The following PCDHGA8 variants were observed in gnomAD, a reference collection of about 807,000 sequenced individuals.
The protein encoded by PCDHGA8 is protocadherin gamma subfamily A, 8, also known as protocadherin gamma-A8.
In PCDHGA8, 45 loss-of-function variants were observed where a neutral mutation model predicts 59.2. The ratio of observed to expected loss-of-function variants is 0.76; its 90% CI spans 0.60 to 0.98. The LOEUF is 0.98. Ranked by LOEUF, PCDHGA8 falls within the 50% of genes least tolerant of loss-of-function variation. PCDHGA8 has a pLI of 0.00. For missense variants in PCDHGA8, 1,257 were observed against 1,196.2 expected (o/e 1.05, Z -0.75); for synonymous variants, 531 against 519.0 (o/e 1.02, Z -0.32).
In PCDHGA8 at chr5:141,428,860, CTT is replaced by C. The variant is rs34152666; in HGVS notation, c.2424+33635_2424+33636del. On this transcript the variant is annotated intron_variant, in intron 1 of 3. Transcript: ENST00000398604. The stretch of plus-strand genomic sequence containing the variant: ...ACATTTTCACCATTTTTACGGGAGA[CTT>C]TTTTTTTTTTTGGACGGAGTCTCGC... The C allele has an allele frequency of 7.4e-3, 1,070 of 145,506 alleles. 4 individuals carry two copies. Among genetic ancestry groups the C allele is most frequent in the South Asian group, 0.018 (82 of 4,566 alleles). 9.0% of individuals were successfully genotyped at this position (145,506 alleles called of 1,614,324 possible).
chr5:141,395,447 G>A, intron 1 of PCDHGA8: 1 of 645,042 alleles, frequency 1.6e-6, no homozygotes, highest in Admixed American at 3.5e-5. Context: ...GGAAAAGATT[G>A]TTCAACCATT....
At position 141,432,579 on chromosome 5, in the gene PCDHGA8, G is replaced by A. The variant is rs769224543; in HGVS notation, c.2424+37342G>A. 6.2e-7 allele frequency: 1 copy of A among 1,613,860 alleles called. No homozygotes were observed. Among genetic ancestry groups the A allele is most frequent in the Non-Finnish European group, 8.5e-7 (1 of 1,179,984 alleles). On this transcript the variant is annotated intron_variant, in intron 1 of 3. Transcript: ENST00000398604. The surrounding 1 kb of genome is among the most constrained non-coding windows in gnomAD (Gnocchi z 6.0). ...GGCCAGAACGCCTGGCTGTCCTACC[G>A]TCTGCTCAAGGCCAGCGAGCCGGGA...
At position 141,414,753 on chromosome 5, in the gene PCDHGA8, T is replaced by C. The variant is rs10041534; in HGVS notation, c.2424+19516T>C. 7.9e-4 allele frequency: 1,273 copies of C among 1,614,202 alleles called. 15 individuals carry two copies. The African/African-American group carries it at 0.015, about 19-fold the overall frequency. ...TGTATGCACTCAGATCCTTCGACTA[T>C]GAGCAGTTTCATGAGCTACAGATGC... On this transcript the variant is annotated intron_variant, in intron 1 of 3. Transcript: ENST00000398604.
intron 1 of PCDHGA8, among the ~76,000 whole-genome samples, chr5:141,462,550 A>G (rs1485478117): frequency 6.6e-6 from 1 of 151,942 alleles, no homozygotes; most frequent in East Asian, 1.9e-4. Flanking sequence ...TTTCTTCTTC[A>G]GTGTTTACTG....
rs186593502 is a variant in PCDHGA8 at position 141,429,415 on chromosome 5, A to G, written c.2424+34178A>G. Among the ~76,000 whole-genome samples, 582 of 151,976 alleles carry G rather than the reference A, an allele frequency of 3.8e-3. 6 individuals carry two copies. The highest frequency in any genetic ancestry group is 0.011 in the Admixed American group (171 of 15,260). ...AAAAAATTGAGATTAAGGTCTCATT[A>G]TGTTGCCCAGGCTGGACTCAAACTC... is the stretch of plus-strand genomic sequence containing the variant. On this transcript the variant is annotated intron_variant, in intron 1 of 3. Transcript: ENST00000398604.
Position 141,394,586 on chromosome 5 carries a change from G to A in PCDHGA8, c.1773G>A (p.Val591=). The A allele has an allele frequency of 6.2e-7, 1 of 1,613,888 alleles. No individual in the cohort carries two copies. ...AGCGTGGCTACCTGGTGACCAAGGT[G>A]GTGGCGGTGGACAGAGACTCGGGCC... ...SAERGYLVTK[V]VAVDRDSGQN... is the part of the protein sequence containing the mutation. Residue 591 remains valine (V), a synonymous_variant, in exon 1 of 4, where the codon GTG becomes GTA. Coordinates refer to ENST00000398604, the MANE Select transcript of PCDHGA8 (RefSeq NM_032088.2).
At chr5:141,408,556 T>G (rs1215804867) in intron 1 of PCDHGA8, 1 of 1,613,940 alleles carries the variant, frequency 6.2e-7, no homozygotes, top group Non-Finnish European at 8.5e-7. Context: ...ATATTTTTCA[T>G]GTCATTGTGG....
rs150106838 is a variant in PCDHGA8, at chr5:141,503,886, T to C, written c.2484-1507T>C. On this transcript the variant is annotated intron_variant, in intron 2 of 3. Coordinates refer to ENST00000398604, the MANE Select transcript of PCDHGA8 (RefSeq NM_032088.2). Reference sequence around the variant, plus strand: ...AGTTCTTGGTTGTGCTCACCCACCATGACAAAATATGCACACACACAACGC... The same window carrying C: ...AGTTCTTGGTTGTGCTCACCCACCACGACAAAATATGCACACACACAACGC... Among the ~76,000 whole-genome samples, 20 of 152,290 alleles carry C rather than the reference T, an allele frequency of 1.3e-4. No individual in the cohort carries two copies. The South Asian group carries it at 3.9e-3, about 30-fold the overall frequency.
chr5:141,415,740 G>GTTTTTTTTTTTTTTTTTTTTTTTTTT, intron 1 of PCDHGA8: 11 of 617,992 alleles, frequency 1.8e-5, no homozygotes, highest in Middle Eastern at 5.6e-4. Context: ...GTTTATTAAG[G>GTTTTTTTTTTTTTTTTTTTTTTTTTT]TTTTTTTTTT....
rs1160304959 is a variant in PCDHGA8, at chr5:141,490,969, C to A, written c.2425-3838C>A. On this transcript the variant is annotated intron_variant, in intron 1 of 3. Coordinates refer to ENST00000398604, the MANE Select transcript of PCDHGA8 (RefSeq NM_032088.2). This position sits in a 1 kb window ranked among gnomAD's most constrained non-coding sequence, Gnocchi z 5.4. ...GCCAGACTGGGAACACTCAGCCCCC[C>A]AGCGTCTCCCTCGCTCTGCTCCTCC... The A allele has an allele frequency of 2.5e-6, 4 of 1,613,820 alleles. No individual in the cohort carries two copies. In the African/African-American group the frequency reaches 4.0e-5, roughly 16 times the overall value.
chr5:141,438,074 T>C (rs963146682), intron 1 of PCDHGA8, among the ~76,000 whole-genome samples: 10 of 152,116 alleles, frequency 6.6e-5, no homozygotes, highest in African/African-American at 2.4e-4. Flanking sequence ...CCATACTTAA[T>C]GGAAAATTAC....
At chr5:141,422,032 G>A in intron 1 of PCDHGA8, 1 of 1,611,280 alleles carries the variant, frequency 6.2e-7, no homozygotes, top group Non-Finnish European at 8.5e-7. Context: ...TAATGCAACG[G>A]ATCCAGACGA....
rs2094308599 is a variant in PCDHGA8 at position 141,402,798 on chromosome 5, C to T, written c.2424+7561C>T. ...TTTCCAGTTCTGCGGCTACACAAAA[C>T]CCGGCAGATACCACAAACCTGCTCC... On this transcript the variant is annotated intron_variant, in intron 1 of 3. Transcript: ENST00000398604. 7.6e-6 allele frequency: 8 copies of T among 1,054,376 alleles called. No individual in the cohort carries two copies. The South Asian group carries it at 1.6e-4, about 20-fold the overall frequency. The allele number at this position is 1,054,376 out of a possible 1,614,324, so 65.3% of individuals were successfully genotyped here. A position where few individuals can be genotyped will look rare whatever the true frequency, so the allele number is the denominator to read the frequency against.
Position 141,489,902 on chromosome 5 carries a change from C to A in PCDHGA8, c.2425-4905C>A. ...ACTGCTGTGGATGGGGGGACCCCAGCCCGCTCAGGGACCACCCTTATCTCT... is the reference window on the plus strand; with the variant it reads ...ACTGCTGTGGATGGGGGGACCCCAGACCGCTCAGGGACCACCCTTATCTCT... On this transcript the variant is annotated intron_variant, in intron 1 of 3. Transcript: ENST00000398604. The surrounding 1 kb of genome is among the most constrained non-coding windows in gnomAD (Gnocchi z 4.5). 1 of 1,614,218 alleles carries A rather than the reference C, an allele frequency of 6.2e-7. No individual in the cohort carries two copies. The highest frequency in any genetic ancestry group is 8.5e-7 in the Non-Finnish European group (1 of 1,180,032).
intron 1 of PCDHGA8, chr5:141,417,545 T>C: frequency 3.2e-6 from 1 of 312,052 alleles, no homozygotes; most frequent in East Asian, 5.5e-5. Context: ...AAAAAATTCC[T>C]TGAAAGAGGT....
At position 141,424,020 on chromosome 5, in the gene PCDHGA8, C is replaced by A. The variant is rs1326303938; in HGVS notation, c.2424+28783C>A. ...TATATAGATACAAATTAATGATTCA[C>A]AAACACTTTTTATTTCCATTTCAAT... On this transcript the variant is annotated intron_variant, in intron 1 of 3. Coordinates refer to ENST00000398604, the MANE Select transcript of PCDHGA8 (RefSeq NM_032088.2). 3 of 1,050,122 alleles carry A rather than the reference C, an allele frequency of 2.9e-6. No individual in the cohort carries two copies. In the East Asian group the frequency reaches 2.2e-4, roughly 77 times the overall value. The allele number at this position is 1,050,122 out of a possible 1,614,324, so 65.1% of individuals were successfully genotyped here. A position where few individuals can be genotyped will look rare whatever the true frequency, so the allele number is the denominator to read the frequency against.
intron 1 of PCDHGA8, among the ~76,000 whole-genome samples, chr5:141,483,203 A>G (rs940487337): frequency 6.6e-6 from 1 of 152,204 alleles, no homozygotes; most frequent in Admixed American, 6.5e-5. Flanking sequence ...ATTTTATTCC[A>G]TATAGATGAC....
In PCDHGA8 at chr5:141,431,770, T is replaced by G. The variant is rs748816389; in HGVS notation, c.2424+36533T>G. The G allele has an allele frequency of 3.7e-6, 6 of 1,614,204 alleles. No homozygotes were observed. In the South Asian group the frequency reaches 6.6e-5, roughly 18 times the overall value. ...CGCGAGCCAAAGTCCTGATCACTGT[T>G]CTGGACGTGAACGACAATGCCCCAG... On this transcript the variant is annotated intron_variant, in intron 1 of 3. Coordinates refer to ENST00000398604, the MANE Select transcript of PCDHGA8 (RefSeq NM_032088.2). The surrounding 1 kb of genome is among the most constrained non-coding windows in gnomAD (Gnocchi z 4.8).
chr5:141,455,593 C>T (rs957677108), intron 1 of PCDHGA8, among the ~76,000 whole-genome samples: 4 of 152,070 alleles, frequency 2.6e-5, no homozygotes, highest in Non-Finnish European at 5.9e-5. Flanking sequence ...AATATGCAAA[C>T]GTAGGGCGCC....
Sources: allele counts gnomAD v4.1 joint callset (sites outside exome capture counted in the v4.1 genomes callset), GRCh38; gene constraint gnomAD v4.1.1; non-coding constraint Gnocchi (gnomAD v3.1); transcripts MANE v1.5; gene names NCBI Gene and HGNC (gene_info 2026-07-23, HGNC 2026-07-21).